The following DACH2 variants were observed in gnomAD, a reference collection of about 807,000 sequenced individuals.
DACH2 encodes dachshund homolog 2.
A neutral mutation model predicts 35.8 loss-of-function variants in DACH2; 17 were observed. The observed-to-expected ratio is 0.48, with a 90% confidence interval of 0.33 to 0.71. The LOEUF (loss-of-function observed/expected upper bound fraction) is 0.71. DACH2 is among the 30% of genes least tolerant of loss of function. The pLI is 0.02. For synonymous variants in DACH2, 195 were observed against 177.3 expected, an observed-to-expected ratio of 1.10 and a Z score of -0.79; for missense variants, 469 against 472.7, an observed-to-expected ratio of 0.99 and a Z score of 0.07.
intron 2 of DACH2, among the ~76,000 whole-genome samples, chrX:86,445,134 CT>C (rs2037238869): frequency 9.1e-6 from 1 of 110,054 alleles, no homozygotes; most frequent in African/African-American, 3.3e-5. Context: ...GAGATATTTC[CT>C]TTTTTTGAAG....
chrX:86,235,745 A>C (rs2033043889), intron 1 of DACH2, among the ~76,000 whole-genome samples: 1 of 111,658 alleles, frequency 9.0e-6, no homozygotes, highest in African/African-American at 3.3e-5. Context: ...TAGACTTGGG[A>C]CCCCTCCTCA....
At chrX:86,330,961 A>G (rs1288151506) in intron 1 of DACH2, among the ~76,000 whole-genome samples, 1 of 112,021 alleles carries the variant, frequency 8.9e-6, no homozygotes, top group Non-Finnish European at 1.9e-5. Flanking sequence ...TGAACCAAGT[A>G]TACTATTTAC....
chrX:86,198,354 A>G (rs1230973987), intron 1 of DACH2, among the ~76,000 whole-genome samples: 1 of 111,733 alleles, frequency 8.9e-6, no homozygotes, highest in Admixed American at 9.6e-5. Flanking sequence ...AACTAAAAGA[A>G]CTAGAGAACC....
chrX:86,689,266 C>A (rs1344468530), intron 4 of DACH2, among the ~76,000 whole-genome samples: 1 of 110,891 alleles, frequency 9.0e-6, no homozygotes, highest in Non-Finnish European at 1.9e-5. Flanking sequence ...TTTCTGAATG[C>A]ATACAGGAAA....
intron 2 of DACH2, among the ~76,000 whole-genome samples, chrX:86,450,545 A>G (rs2037356544): frequency 1.8e-5 from 2 of 111,102 alleles, no homozygotes; most frequent in African/African-American, 3.3e-5. Context: ...ACATGCATGT[A>G]TCCTTATGAT....
chrX:86,302,905 G>A (rs1320162144), intron 1 of DACH2, among the ~76,000 whole-genome samples: 2 of 109,008 alleles, frequency 1.8e-5, no homozygotes, highest in Non-Finnish European at 3.8e-5. Flanking sequence ...AATATGTAAT[G>A]AGTAAATTTT....
At chrX:86,532,297 G>A (rs562523511) in intron 3 of DACH2, among the ~76,000 whole-genome samples, 4 of 111,318 alleles carry the variant, frequency 3.6e-5, no homozygotes, top group African/African-American at 1.3e-4. Flanking sequence ...ATTTGAGAAG[G>A]GCCAGGGGTA....
At chrX:86,395,865 T>C (rs1193309565) in intron 2 of DACH2, among the ~76,000 whole-genome samples, 1 of 111,811 alleles carries the variant, frequency 8.9e-6, no homozygotes, top group East Asian at 2.8e-4. Context: ...CATGTGTCTT[T>C]ATAGCAGCAT....
At chrX:86,591,590 T>G (rs1302989532) in intron 3 of DACH2, among the ~76,000 whole-genome samples, 1 of 105,020 alleles carries the variant, frequency 9.5e-6, no homozygotes, top group African/African-American at 3.5e-5. Context: ...CAGGCTGGAG[T>G]GCAGTTGCAC....
intron 3 of DACH2, among the ~76,000 whole-genome samples, chrX:86,631,200 G>A (rs2040197283): frequency 8.9e-6 from 1 of 111,888 alleles, no homozygotes. Flanking sequence ...CATTTGTTTA[G>A]CCTATAACTA....
intron 1 of DACH2, among the ~76,000 whole-genome samples, chrX:86,314,016 C>T (rs774886808): frequency 1.8e-5 from 2 of 111,170 alleles, no homozygotes; most frequent in Non-Finnish European, 3.8e-5. Context: ...GCACCACAAA[C>T]CATGCCCATG....
chrX:86,459,777 G>A (rs1413326757), intron 2 of DACH2, among the ~76,000 whole-genome samples: 3 of 111,007 alleles, frequency 2.7e-5, no homozygotes, highest in Non-Finnish European at 3.8e-5. Flanking sequence ...AGAGTGTTTA[G>A]CATTTCTATT....
At chrX:86,830,662 C>A (rs951662735) in intron 11 of DACH2, 1 of 111,320 alleles carries the variant, frequency 9.0e-6, no homozygotes, top group East Asian at 2.8e-4. Context: ...GTTCATGTAC[C>A]CTTTTTAAGG....
intron 3 of DACH2, among the ~76,000 whole-genome samples, chrX:86,528,692 A>G (rs1257630991): frequency 8.9e-6 from 1 of 112,399 alleles, no homozygotes; most frequent in Non-Finnish European, 1.9e-5. Context: ...TGAAAAATAT[A>G]TGATTTAGAG....
intron 1 of DACH2, among the ~76,000 whole-genome samples, chrX:86,212,958 TCTGACTTTACATACA>T (rs1200858265): frequency 9.0e-6 from 1 of 111,690 alleles, no homozygotes. Flanking sequence ...ATTTCATTTA[TCTGACTTTACATACA>T]CTCTTTAAAC....
intron 4 of DACH2, among the ~76,000 whole-genome samples, chrX:86,689,674 A>G (rs2040988408): frequency 8.9e-6 from 1 of 111,742 alleles, no homozygotes; most frequent in Non-Finnish European, 1.9e-5. Context: ...TACTGGAAAC[A>G]TGATCAATTT....
intron 1 of DACH2, among the ~76,000 whole-genome samples, chrX:86,164,146 G>C (rs2030861852): frequency 9.0e-6 from 1 of 111,277 alleles, no homozygotes; most frequent in African/African-American, 3.3e-5. Context: ...GTGTGAGATG[G>C]TATCTCATTG....
chrX:86,390,506 C>G (rs529766253), intron 2 of DACH2, among the ~76,000 whole-genome samples: 2 of 111,482 alleles, frequency 1.8e-5, no homozygotes, highest in African/African-American at 6.5e-5. Flanking sequence ...TAATTTATCC[C>G]ATTTAATGTA....
chrX:86,556,795 T>TAGAGAGAGAGAG (rs1194704943), intron 3 of DACH2, among the ~76,000 whole-genome samples: 26 of 25,276 alleles, frequency 1.0e-3, no homozygotes, highest in East Asian at 3.5e-3. Context: ...TATATATATA[T>TAGAGAGAGAGAG]AGAGAGAGAG....
Sources: allele counts gnomAD v4.1 joint callset (sites outside exome capture counted in the v4.1 genomes callset), GRCh38; gene constraint gnomAD v4.1.1; transcripts MANE v1.5; gene names NCBI Gene and HGNC (gene_info 2026-07-23, HGNC 2026-07-21).